Variants in TTC7B observed in about 807,000 individuals in gnomAD.
The protein encoded by TTC7B is tetratricopeptide repeat protein 7B.
A neutral mutation model predicts 106.8 loss-of-function variants in TTC7B; 28 were observed. That is an observed-to-expected ratio of 0.26 (90% CI 0.19 to 0.36). The LOEUF is 0.36. TTC7B is among the 10% of genes least tolerant of loss of function. The pLI, the probability that TTC7B is intolerant of heterozygous loss-of-function variation, is 1.00. For synonymous variants in TTC7B, 405 were observed against 430.6 expected (o/e 0.94, Z 0.74); for missense variants, 862 against 1,076.4 (o/e 0.80, Z 2.79).
intron 4 of TTC7B, among the ~76,000 whole-genome samples, chr14:90,738,794 C>T (rs752992900): frequency 2.6e-5 from 4 of 152,146 alleles, no homozygotes; most frequent in Admixed American, 6.5e-5. Flanking sequence ...CACAACAATA[C>T]GTTCATCGTA....
intron 4 of TTC7B, among the ~76,000 whole-genome samples, chr14:90,743,717 A>G (rs185999015): frequency 6.6e-6 from 1 of 152,328 alleles, no homozygotes; most frequent in Admixed American, 6.5e-5. Flanking sequence ...TATTCACAAG[A>G]CCTTATGTAA....
chr14:90,541,610 G>C, intron 19 of TTC7B, 21 bp from the exon 20 acceptor site: 1 of 1,534,998 alleles, frequency 6.5e-7, no homozygotes, highest in East Asian at 2.3e-5. Flanking sequence ...CAGAGAGAGA[G>C]AGAGACAGTC....
intron 9 of TTC7B, among the ~76,000 whole-genome samples, chr14:90,660,322 C>T (rs533482674): frequency 5.8e-5 from 8 of 138,614 alleles, no homozygotes; most frequent in Non-Finnish European, 1.1e-4. Context: ...CCCAGGAGGC[C>T]GAGGCTGCAG....
intron 15 of TTC7B, among the ~76,000 whole-genome samples, chr14:90,633,885 C>T (rs1178378381): frequency 6.2e-5 from 9 of 146,166 alleles, no homozygotes; most frequent in African/African-American, 5.0e-5. Flanking sequence ...TTTTTTTTTT[C>T]GGGAGTGGGG....
At chr14:90,601,802 C>T (rs1892435612) in intron 17 of TTC7B, among the ~76,000 whole-genome samples, 1 of 152,188 alleles carries the variant, frequency 6.6e-6, no homozygotes, top group Non-Finnish European at 1.5e-5. Context: ...CCCTTAAAAC[C>T]AGGATCCATG....
At chr14:90,636,925 G>A (rs1595230781) in intron 15 of TTC7B, among the ~76,000 whole-genome samples, 2 of 142,162 alleles carry the variant, frequency 1.4e-5, no homozygotes, top group African/African-American at 2.6e-5. Flanking sequence ...GCTTATGTCA[G>A]AAAATAAGGC....
chr14:90,603,058 C>T (rs1194601237), intron 17 of TTC7B, among the ~76,000 whole-genome samples: 1 of 152,166 alleles, frequency 6.6e-6, no homozygotes, highest in African/African-American at 2.4e-5. Context: ...CATATATAAA[C>T]CCAAGCTGCG....
At chr14:90,676,375 G>C (rs776874867) in intron 9 of TTC7B, 148 bp downstream of exon 9, 13 of 884,296 alleles carry the variant, frequency 1.5e-5, no homozygotes, top group Non-Finnish European at 2.2e-5. Context: ...TTCTACAGGG[G>C]AGAAAACCAA....
At chr14:90,588,260 G>A (rs1891804541) in intron 18 of TTC7B, among the ~76,000 whole-genome samples, 1 of 152,242 alleles carries the variant, frequency 6.6e-6, no homozygotes, top group African/African-American at 2.4e-5. Flanking sequence ...CAAGGAATTT[G>A]TGAGAGTATT....
Position 90,540,461 on chromosome 14 carries a change from AGGCTG to A in TTC7B, c.*902_*906del, listed in dbSNP as rs1434673181. 6.5e-6 allele frequency: 1 copy of A among 153,432 alleles called. No homozygotes were observed. The highest frequency in any genetic ancestry group is 1.5e-5 in the Non-Finnish European group (1 of 68,068). 9.5% of individuals were successfully genotyped at this position (153,432 alleles called of 1,614,324 possible). On this transcript the variant is annotated 3_prime_UTR_variant, in exon 20 of 20. Transcript: ENST00000328459. The stretch of plus-strand genomic sequence containing the variant: ...AAAAATAAAATAAGTGGGGAAAGAG[AGGCTG>A]GGCTTTCTAGTGTCAAGGGCTGACA...
At chr14:90,724,477 T>C (rs747552039) in intron 5 of TTC7B, among the ~76,000 whole-genome samples, 1 of 152,178 alleles carries the variant, frequency 6.6e-6, no homozygotes, top group Admixed American at 6.5e-5. Flanking sequence ...GAATTTCTCA[T>C]GAATGGTTTA....
intron 7 of TTC7B, among the ~76,000 whole-genome samples, chr14:90,686,469 A>C (rs1025750098): frequency 1.3e-5 from 2 of 152,204 alleles, no homozygotes; most frequent in African/African-American, 4.8e-5. Context: ...TGGAAGTTCT[A>C]GCCAGGACAA....
intron 6 of TTC7B, 47 bp from the exon 7 acceptor site, chr14:90,689,759 T>C (rs1887396957): frequency 6.3e-7 from 1 of 1,586,130 alleles, no homozygotes; most frequent in Non-Finnish European, 8.6e-7. Flanking sequence ...CTATCTTGTA[T>C]TAGTCATTCA....
intron 1 of TTC7B, among the ~76,000 whole-genome samples, chr14:90,798,648 T>C (rs2030029828): frequency 7.3e-6 from 1 of 137,486 alleles, no homozygotes; most frequent in African/African-American, 2.7e-5. Context: ...AGGCAGAGGT[T>C]GCAATGAGCT....
At chr14:90,615,961 G>A (rs1295292809) in intron 16 of TTC7B, among the ~76,000 whole-genome samples, 5 of 152,126 alleles carry the variant, frequency 3.3e-5, no homozygotes, top group African/African-American at 9.7e-5. Context: ...GGCCCTGAAG[G>A]AACCTTCAGG....
intron 1 of TTC7B, among the ~76,000 whole-genome samples, chr14:90,800,680 G>A (rs1260284221): frequency 3.3e-5 from 5 of 152,054 alleles, no homozygotes; most frequent in African/African-American, 9.7e-5. Flanking sequence ...GCACAGTGGC[G>A]GACGCCTGTA....
At chr14:90,579,651 T>A (rs924909862) in intron 18 of TTC7B, among the ~76,000 whole-genome samples, 5 of 152,048 alleles carry the variant, frequency 3.3e-5, no homozygotes, top group African/African-American at 1.2e-4. Context: ...TACAAAAAAT[T>A]AGCCGGGCGT....
intron 6 of TTC7B, among the ~76,000 whole-genome samples, chr14:90,695,252 T>C (rs1887691606): frequency 7.5e-6 from 1 of 133,318 alleles, no homozygotes; most frequent in African/African-American, 2.7e-5. Context: ...ATATTTTATA[T>C]ACATATATAT....
chr14:90,791,229 T>G (rs1324477759), intron 1 of TTC7B, among the ~76,000 whole-genome samples: 1 of 152,070 alleles, frequency 6.6e-6, no homozygotes, highest in African/African-American at 2.4e-5. Flanking sequence ...AGGTGCCTCA[T>G]CCCAAACCAC....
Sources: gnomAD v4.1 joint callset for allele counts (sites outside exome capture counted in the v4.1 genomes callset) on GRCh38, gnomAD v4.1.1 for gene constraint, MANE v1.5 for transcripts, NCBI Gene and HGNC (gene_info 2026-07-23, HGNC 2026-07-21) for gene names.